The following C5AR1 variants were observed in gnomAD, a reference collection of about 807,000 sequenced individuals.
The protein encoded by C5AR1 is C5a anaphylatoxin chemotactic receptor 1.
A neutral mutation model predicts 2.4 loss-of-function variants in C5AR1; 4 were observed. The ratio of observed to expected loss-of-function variants is 1.65; its 90% CI spans 0.81 to 3.77. The LOEUF is 3.77. C5AR1 is among the 30% of genes most tolerant of loss of function. The pLI is 0.01. For missense variants in C5AR1, 418 were observed against 462.5 expected (o/e 0.90, Z 0.88); for synonymous variants, 209 against 210.4 (o/e 0.99, Z 0.06).
chr19:47,313,220 C>T (rs2059276215), intron 1 of C5AR1, among the ~76,000 whole-genome samples: 1 of 152,002 alleles, frequency 6.6e-6, no homozygotes, highest in Non-Finnish European at 1.5e-5. Context: ...TCGTGATCCA[C>T]CCGCCTCAGC....
intron 1 of C5AR1, among the ~76,000 whole-genome samples, chr19:47,316,189 G>A (rs1278937071): frequency 6.6e-6 from 1 of 151,984 alleles, no homozygotes; most frequent in African/African-American, 2.4e-5. Context: ...TGTACTTTTA[G>A]TGGAGATGGG....
chr19:47,318,796 C>T (rs147339625), intron 1 of C5AR1, among the ~76,000 whole-genome samples: 304 of 151,990 alleles, frequency 2.0e-3, no homozygotes, highest in South Asian at 8.3e-3. Context: ...GTCCAGCTGC[C>T]ATGGACTGCA....
intron 1 of C5AR1, among the ~76,000 whole-genome samples, chr19:47,317,519 A>AAATAT (rs1555807017): frequency 3.0e-3 from 400 of 133,352 alleles, no homozygotes; most frequent in Non-Finnish European, 3.3e-3. Context: ...AAAAAAAAAA[A>AAATAT]ATATATATAT....
At position 47,321,051 on chromosome 19, in the gene C5AR1, AC is replaced by A. The variant is rs1306631396; in HGVS notation, c.*227del. 158 of 186,966 alleles carry A rather than the reference AC, an allele frequency of 8.5e-4. No individual in the cohort carries two copies. In the African/African-American group the frequency reaches 0.016, roughly 19 times the overall value. 11.6% of individuals were successfully genotyped at this position (186,966 alleles called of 1,614,324 possible). A position where few individuals can be genotyped will look rare whatever the true frequency, so the allele number is the denominator to read the frequency against. The stretch of plus-strand genomic sequence containing the variant: ...ACTTCCTTCTAGGGAGCACCCTCCC[AC>A]CCCCCACCCCCCCCACACACACCAT... On this transcript the variant is annotated 3_prime_UTR_variant, in exon 2 of 2. Transcript: ENST00000355085.
chr19:47,309,737 C>A, upstream of C5AR1: 1 of 634,062 alleles, frequency 1.6e-6, no homozygotes, highest in South Asian at 2.4e-5. Flanking sequence ...GTGTGCCCCG[C>A]AGAGGGAGCT....
rs757316710 is a variant in C5AR1, at chr19:47,320,220, G to T, written c.443G>T (p.Arg148Leu). The change falls in exon 2 of 2, where the codon CGA (arginine) becomes CTA (leucine). Residue 148 changes from arginine (R) to leucine (L), a missense_variant. By Grantham distance (102) the Arg-to-Leu change is moderately radical (BLOSUM62 -2). Coordinates refer to ENST00000355085, the MANE Select transcript of C5AR1 (RefSeq NM_001736.4). The surrounding 1 kb of genome is among the most constrained non-coding windows in gnomAD (Gnocchi z 4.9). ...VFKPIWCQNFRGAGLAWIACA... is the reference protein window; with the variant it reads ...VFKPIWCQNFLGAGLAWIACA... Reference sequence around the variant, plus strand: ...AAACCCATCTGGTGCCAGAACTTCCGAGGGGCTGGCTTGGCCTGGATCGCC... The same window carrying T: ...AAACCCATCTGGTGCCAGAACTTCCTAGGGGCTGGCTTGGCCTGGATCGCC... The T allele has an allele frequency of 1.2e-6, 2 of 1,614,168 alleles. No individual in the cohort carries two copies. The highest frequency in any genetic ancestry group is 1.7e-6 in the Non-Finnish European group (2 of 1,180,028).
chr19:47,320,140 C>T lies in C5AR1; in HGVS notation c.363C>T (p.Tyr121=), dbSNP rs201002949. 88 of 1,614,194 alleles carry T rather than the reference C, an allele frequency of 5.5e-5. No individual in the cohort carries two copies. Among genetic ancestry groups the T allele is most frequent in the South Asian group, 8.8e-5 (8 of 91,092 alleles). Reference sequence around the variant, plus strand: ...CCTCCCTCATCCTGCTCAACATGTACGCCAGCATCCTGCTCCTGGCCACCA... The same window carrying T: ...CCTCCCTCATCCTGCTCAACATGTATGCCAGCATCCTGCTCCTGGCCACCA... The part of the protein sequence containing the change: ...ILPSLILLNM[Y]ASILLLATIS... Residue 121 remains tyrosine (Y), a synonymous_variant, in exon 2 of 2, where the codon TAC becomes TAT. Coordinates refer to ENST00000355085, the MANE Select transcript of C5AR1 (RefSeq NM_001736.4). The surrounding 1 kb of genome is among the most constrained non-coding windows in gnomAD (Gnocchi z 4.9).
At chr19:47,315,713 T>C (rs2059284997) in intron 1 of C5AR1, among the ~76,000 whole-genome samples, 1 of 151,986 alleles carries the variant, frequency 6.6e-6, no homozygotes, top group Non-Finnish European at 1.5e-5. Flanking sequence ...GGAGTGGGGG[T>C]GTCCCAGAGT....
chr19:47,317,313 C>A (rs2122137551), intron 1 of C5AR1, among the ~76,000 whole-genome samples: 1 of 151,594 alleles, frequency 6.6e-6, no homozygotes, highest in South Asian at 2.1e-4. Context: ...TCGAGACCAG[C>A]CTGGGCAATA....
At chr19:47,315,971 TCATC>T (rs555304432) in intron 1 of C5AR1, among the ~76,000 whole-genome samples, 19 of 151,528 alleles carry the variant, frequency 1.3e-4, no homozygotes, top group African/African-American at 2.9e-4. Flanking sequence ...GTCCATCGAT[TCATC>T]CATCCATCCA....
chr19:47,307,958 T>C (rs907914102), upstream of C5AR1, among the ~76,000 whole-genome samples: 1 of 151,844 alleles, frequency 6.6e-6, no homozygotes, highest in African/African-American at 2.4e-5. Context: ...CTCAAGCCTG[T>C]AATCCCAGCA....
At position 47,317,518 on chromosome 19, in the gene C5AR1, A is replaced by AT. The variant is rs1267487339; in HGVS notation, c.4-2263_4-2262insT. Among the ~76,000 whole-genome samples the AT allele has an allele frequency of 6.1e-3, 712 of 117,526 alleles. 5 individuals are homozygous for AT. Among genetic ancestry groups the AT allele is most frequent in the East Asian group, 0.028 (120 of 4,268 alleles). The allele number at this position is 117,526 out of a possible 152,430, so 77.1% of individuals were successfully genotyped here. On this transcript the variant is annotated intron_variant, in intron 1 of 1. Transcript: ENST00000355085. ...GTGAGACTCAGTCTCAAAAAAAAAA[A>AT]AATATATATATATATATAGTGGTTC...
rs199583435 is a variant in C5AR1, at chr19:47,320,376, G to T, written c.599G>T (p.Arg200Leu). 6.2e-7 allele frequency: 1 copy of T among 1,609,744 alleles called. No homozygotes were observed. The highest frequency in any genetic ancestry group is 8.5e-7 in the Non-Finnish European group (1 of 1,179,916). The change falls in exon 2 of 2, where the codon CGA (arginine) becomes CTA (leucine). Residue 200 changes from arginine to leucine, a missense_variant. Coordinates refer to ENST00000355085, the MANE Select transcript of C5AR1 (RefSeq NM_001736.4). This position sits in a 1 kb window ranked among gnomAD's most constrained non-coding sequence, Gnocchi z 4.9. ...VDYSHDKRRE[R>L]AVAIVRLVLG... The stretch of plus-strand genomic sequence containing the variant: ...TACAGCCACGACAAACGGCGGGAGC[G>T]AGCCGTGGCCATCGTCCGGCTGGTC...
Position 47,316,182 on chromosome 19 carries a change from A to T in C5AR1, c.4-3599A>T, listed in dbSNP as rs181288355. Among the ~76,000 whole-genome samples the T allele has an allele frequency of 1.8e-4, 27 of 151,406 alleles. No homozygotes were observed. The East Asian group carries it at 5.1e-3, about 29-fold the overall frequency. ...CACTGGGCCCAGCTAATTTTTTTGTACTTTTAGTGGAGATGGGGTTTCACT... is the reference window on the plus strand; with the variant it reads ...CACTGGGCCCAGCTAATTTTTTTGTTCTTTTAGTGGAGATGGGGTTTCACT... On this transcript the variant is annotated intron_variant, in intron 1 of 1. Coordinates refer to ENST00000355085, the MANE Select transcript of C5AR1 (RefSeq NM_001736.4).
In C5AR1 at chr19:47,315,104, A is replaced by G. The variant is rs186363575; in HGVS notation, c.4-4677A>G. 5.2e-3 allele frequency among the ~76,000 whole-genome samples: 789 copies of G among 152,010 alleles called. 9 individuals carry two copies. Among genetic ancestry groups the G allele is most frequent in the African/African-American group, 0.018 (744 of 41,466 alleles). On this transcript the variant is annotated intron_variant, in intron 1 of 1. Coordinates refer to ENST00000355085, the MANE Select transcript of C5AR1 (RefSeq NM_001736.4). ...TGCTAGGTTACCCAGGCTGATCTTG[A>G]ACTCCTGGGCTCAAGCAATCCCCCT...
At chr19:47,309,821 C>A (rs1041640880), upstream of C5AR1, 2 of 1,528,766 alleles carry the variant, frequency 1.3e-6, no homozygotes, top group Non-Finnish European at 1.8e-6. Flanking sequence ...CCTGCATCTT[C>A]CCTTGGGGCT....
At chr19:47,316,803 G>A (rs542559532) in intron 1 of C5AR1, among the ~76,000 whole-genome samples, 30 of 151,720 alleles carry the variant, frequency 2.0e-4, no homozygotes, top group Non-Finnish European at 3.7e-4. Context: ...TTTACTCATG[G>A]ATATGATTCC....
chr19:47,311,040 C>G (rs906155267), intron 1 of C5AR1, among the ~76,000 whole-genome samples: 1 of 152,192 alleles, frequency 6.6e-6, no homozygotes, highest in Non-Finnish European at 1.5e-5. Flanking sequence ...CTTGCTTCAT[C>G]TGTGTCAAAG....
At chr19:47,311,086 G>A (rs1189731115) in intron 1 of C5AR1, among the ~76,000 whole-genome samples, 1 of 152,096 alleles carries the variant, frequency 6.6e-6, no homozygotes, top group Non-Finnish European at 1.5e-5. Context: ...ACCAGGGAGG[G>A]GTCTGATGTT....
Sources: allele counts gnomAD v4.1 joint callset (sites outside exome capture counted in the v4.1 genomes callset), GRCh38; gene constraint gnomAD v4.1.1; non-coding constraint Gnocchi (gnomAD v3.1); transcripts MANE v1.5; gene names NCBI Gene and HGNC (gene_info 2026-07-23, HGNC 2026-07-21).